The following KSR1 variants were observed in gnomAD, a reference collection of about 807,000 sequenced individuals.
KSR1 encodes kinase suppressor of ras 1.
KSR1 carries 35 observed loss-of-function variants against 92.9 expected under a neutral mutation model. The ratio of observed to expected loss-of-function variants is 0.38; its 90% CI spans 0.29 to 0.50. KSR1 has a LOEUF of 0.50. Among genes scored for constraint, KSR1 ranks in the 20% least tolerant of loss-of-function variants. The pLI, the probability that KSR1 is intolerant of heterozygous loss-of-function variation, is 0.94. For missense variants in KSR1, 972 were observed against 1,158.5 expected, an observed-to-expected ratio of 0.84 and a Z score of 2.34; for synonymous variants, 467 against 472.6, an observed-to-expected ratio of 0.99 and a Z score of 0.15.
intron 1 of KSR1, among the ~76,000 whole-genome samples, chr17:27,531,244 G>A (rs919736620): frequency 3.3e-5 from 5 of 152,250 alleles, no homozygotes; most frequent in East Asian, 1.9e-4. Context: ...AGCTCAAGAT[G>A]TTGAACCTCG....
At chr17:27,524,055 C>G (rs537058786) in intron 1 of KSR1, among the ~76,000 whole-genome samples, 7 of 152,174 alleles carry the variant, frequency 4.6e-5, no homozygotes, top group Admixed American at 1.3e-4. Flanking sequence ...TGCAGGCTGG[C>G]CATCCATTTG....
At chr17:27,468,275 G>T (rs1272913533) in intron 1 of KSR1, among the ~76,000 whole-genome samples, 4 of 150,396 alleles carry the variant, frequency 2.7e-5, no homozygotes, top group African/African-American at 9.8e-5. Flanking sequence ...TGGCTGTGTT[G>T]CCCAGGCTGG....
chr17:27,624,600 T>C lies in KSR1; in HGVS notation c.*1208T>C, dbSNP rs1221637490. 6.6e-6 allele frequency: 1 copy of C among 152,214 alleles called. No individual in the cohort carries two copies. The highest frequency in any genetic ancestry group is 1.5e-5 in the Non-Finnish European group (1 of 68,052). The allele number at this position is 152,214 out of a possible 1,614,324, so 9.4% of individuals were successfully genotyped here. ...AGTCTTTGAAGTGAGAGCACCACGC[T>C]TGTCTTCGTTAGAAACTCTTAACTG... On this transcript the variant is annotated 3_prime_UTR_variant, in exon 21 of 21. Coordinates refer to ENST00000644974, the MANE Select transcript of KSR1 (RefSeq NM_001394583.1).
chr17:27,551,311 G>A (rs1053389541), intron 2 of KSR1, among the ~76,000 whole-genome samples: 5 of 152,184 alleles, frequency 3.3e-5, no homozygotes, highest in African/African-American at 1.2e-4. Context: ...CTCGGAGTGT[G>A]TACTGTGCCA....
At chr17:27,513,966 A>AGGCTGAGGCTTC (rs1205923505) in intron 1 of KSR1, among the ~76,000 whole-genome samples, 5 of 152,248 alleles carry the variant, frequency 3.3e-5, no homozygotes, top group Admixed American at 6.5e-5. Context: ...ATCGTCGGAA[A>AGGCTGAGGCTTC]GGCTGAGGCT....
chr17:27,495,761 G>C (rs1296449124), intron 1 of KSR1, among the ~76,000 whole-genome samples: 1 of 152,172 alleles, frequency 6.6e-6, no homozygotes, highest in African/African-American at 2.4e-5. Context: ...AGTTGATGGC[G>C]GGTCTACAGT....
At position 27,610,122 on chromosome 17, in the gene KSR1, A is replaced by G; in HGVS notation, c.2281A>G (p.Ile761Val). 2 of 1,613,962 alleles carry G rather than the reference A, an allele frequency of 1.2e-6. No individual in the cohort carries two copies. Among genetic ancestry groups the G allele is most frequent in the Non-Finnish European group, 1.7e-6 (2 of 1,179,868 alleles). ...CTGGCTGTGCTATCTGGCCCCTGAG[A>G]TTGTACGCGAGATGACCCCCGGGAA... is the stretch of plus-strand genomic sequence containing the variant. ...HDWLCYLAPE[I>V]VREMTPGKDE... Residue 761 changes from isoleucine (I) to valine (V), a missense_variant, in exon 17 of 21, where the codon ATT (isoleucine) becomes GTT (valine). Transcript: ENST00000644974.
chr17:27,590,923 G>A lies in KSR1; in HGVS notation c.1130+29G>A, dbSNP rs753098719. On this transcript the variant is annotated intron_variant, in intron 7 of 20. Coordinates refer to ENST00000644974, the MANE Select transcript of KSR1 (RefSeq NM_001394583.1). Reference sequence around the variant, plus strand: ...ATGGGAAGAGGAGTGGGGGTGGGGGGAGCAGACACTTTTAGTTCAGTAAAT... The same window carrying A: ...ATGGGAAGAGGAGTGGGGGTGGGGGAAGCAGACACTTTTAGTTCAGTAAAT... The A allele has an allele frequency of 1.6e-5, 25 of 1,566,442 alleles. No homozygotes were observed. In the Admixed American group the frequency reaches 2.8e-4, roughly 18 times the overall value.
chr17:27,583,196 A>G, intron 4 of KSR1, 91 bp downstream of exon 4: 1 of 872,586 alleles, frequency 1.1e-6, no homozygotes, highest in Non-Finnish European at 1.7e-6. Flanking sequence ...ATCAACCCCT[A>G]TAGACGTGTG....
At chr17:27,587,266 G>A (rs949389335) in intron 5 of KSR1, 8 of 152,274 alleles carry the variant, frequency 5.3e-5, no homozygotes, top group African/African-American at 1.9e-4. Context: ...GATGTGCCAG[G>A]GAGAGCTGCG....
chr17:27,553,885 T>C (rs2151097677), intron 2 of KSR1, among the ~76,000 whole-genome samples: 1 of 152,326 alleles, frequency 6.6e-6, no homozygotes, highest in Middle Eastern at 3.4e-3. Context: ...AGCCTAGTGA[T>C]GGGGGAACCC....
chr17:27,582,795 G>A lies in KSR1; in HGVS notation c.670G>A (p.Gly224Ser), dbSNP rs934282342. Residue 224 changes from glycine to serine, a missense_variant, in exon 4 of 21, where the codon GGC becomes AGC. Physicochemically the swap from Gly to Ser is moderately conservative, Grantham distance 56 (BLOSUM62 0). Transcript: ENST00000644974. Reference protein sequence around the residue: ...QLGRAGNSAQGPRSISVSALP... With the variant: ...QLGRAGNSAQSPRSISVSALP... ...GGGCAGAGCAGGCAACAGCGCCCAG[G>A]GCCCACGCTCCATCTCCGTGTCAGC... The A allele has an allele frequency of 1.2e-6, 2 of 1,613,522 alleles. No homozygotes were observed. Among genetic ancestry groups the A allele is most frequent in the Non-Finnish European group, 1.7e-6 (2 of 1,179,744 alleles).
intron 3 of KSR1, among the ~76,000 whole-genome samples, chr17:27,580,649 C>T (rs1368861950): frequency 6.6e-6 from 1 of 152,146 alleles, no homozygotes; most frequent in East Asian, 1.9e-4. Flanking sequence ...TCTGTGGCCT[C>T]CCTGAGTCAC....
intron 1 of KSR1, among the ~76,000 whole-genome samples, chr17:27,517,228 C>T (rs1369330896): frequency 6.6e-6 from 1 of 152,230 alleles, no homozygotes; most frequent in Non-Finnish European, 1.5e-5. Flanking sequence ...TATGAGACTT[C>T]ATCTACATAA....
chr17:27,600,255 T>C (rs904811916), intron 10 of KSR1, among the ~76,000 whole-genome samples: 6 of 151,940 alleles, frequency 3.9e-5, no homozygotes, highest in African/African-American at 1.5e-4. Context: ...GCCAACATAG[T>C]GAAACCCCGT....
At chr17:27,511,583 G>C (rs2151002387) in intron 1 of KSR1, among the ~76,000 whole-genome samples, 1 of 152,346 alleles carries the variant, frequency 6.6e-6, no homozygotes, top group East Asian at 1.9e-4. Flanking sequence ...CAGGACCTGG[G>C]GCGAGGTGGG....
intron 1 of KSR1, among the ~76,000 whole-genome samples, chr17:27,497,571 G>A (rs1408400468): frequency 6.6e-6 from 1 of 152,228 alleles, no homozygotes; most frequent in Non-Finnish European, 1.5e-5. Flanking sequence ...GCCTTCTGCA[G>A]GCAGTGGGGC....
intron 3 of KSR1, among the ~76,000 whole-genome samples, chr17:27,581,209 A>G (rs1334264642): frequency 6.6e-6 from 1 of 152,068 alleles, no homozygotes; most frequent in Non-Finnish European, 1.5e-5. Flanking sequence ...GGTGCCACAC[A>G]CTTTTAAACT....
At chr17:27,462,237 A>G (rs1488716766) in intron 1 of KSR1, among the ~76,000 whole-genome samples, 1 of 152,180 alleles carries the variant, frequency 6.6e-6, no homozygotes, top group African/African-American at 2.4e-5. Context: ...TGCAGCTCAG[A>G]GGGATGGAGA....
Sources: gnomAD v4.1 joint callset for allele counts (sites outside exome capture counted in the v4.1 genomes callset) on GRCh38, gnomAD v4.1.1 for gene constraint, MANE v1.5 for transcripts, NCBI Gene and HGNC (gene_info 2026-07-23, HGNC 2026-07-21) for gene names.